Variants in ABCB1 observed in about 807,000 individuals in gnomAD.
ABCB1 encodes the protein ATP-dependent translocase ABCB1.
ABCB1 carries 69 observed loss-of-function variants against 142.0 expected under a neutral mutation model. That is an observed-to-expected ratio of 0.49 (90% CI 0.40 to 0.59). The LOEUF (loss-of-function observed/expected upper bound fraction) is 0.59. Among genes scored for constraint, ABCB1 ranks in the 20% least tolerant of loss-of-function variants. ABCB1 has a pLI of 0.00. For missense variants in ABCB1, 1,326 were observed against 1,554.7 expected (o/e 0.85, Z 2.47); for synonymous variants, 532 against 539.2 (o/e 0.99, Z 0.18).
intron 1 of ABCB1, among the ~76,000 whole-genome samples, chr7:87,617,091 C>A (rs1232587223): frequency 6.6e-6 from 1 of 152,104 alleles, no homozygotes; most frequent in African/African-American, 2.4e-5. Flanking sequence ...CCTGAGCCTG[C>A]AATCTGGGAA....
intron 1 of ABCB1, among the ~76,000 whole-genome samples, chr7:87,694,483 A>C (rs1563139716): frequency 6.6e-6 from 1 of 152,170 alleles, no homozygotes; most frequent in Non-Finnish European, 1.5e-5. Flanking sequence ...TGCTTAGAAA[A>C]GCAATATAGT....
At chr7:87,511,316 A>T (rs1209997795) in intron 25 of ABCB1, among the ~76,000 whole-genome samples, 1 of 152,220 alleles carries the variant, frequency 6.6e-6, no homozygotes, top group Non-Finnish European at 1.5e-5. Flanking sequence ...GTGCTCAAAA[A>T]ATCCTGGCCT....
At chr7:87,668,764 A>G (rs1232891848) in intron 1 of ABCB1, among the ~76,000 whole-genome samples, 1 of 151,908 alleles carries the variant, frequency 6.6e-6, no homozygotes, top group Admixed American at 6.6e-5. Flanking sequence ...ATGATGTTTA[A>G]TTTCTGTGTG....
chr7:87,531,547 C>A, intron 20 of ABCB1, 50 bp from the exon 21 acceptor site: 1 of 1,547,216 alleles, frequency 6.5e-7, no homozygotes, highest in Non-Finnish European at 8.8e-7. Context: ...ATCTTCACAA[C>A]TCATGCTTCT....
In ABCB1 at chr7:87,585,609, A is replaced by C. The variant is rs1780688538; in HGVS notation, c.189T>G (p.Ala63=). Residue 63 remains alanine, a synonymous_variant, in exon 4 of 28, where the codon GCT becomes GCG. Transcript: ENST00000622132. ...VGTLAAIIHG[A]GLPLMMLVFG... ...ACACCAGCATCATGAGAGGAAGTCC[A>C]GCCCCATGGATGATGGCAGCCAAAG... 1 of 1,613,978 alleles carries C rather than the reference A, an allele frequency of 6.2e-7. No homozygotes were observed. The highest frequency in any genetic ancestry group is 1.7e-5 in the Admixed American group (1 of 60,006).
chr7:87,651,454 C>G (rs1442407945), intron 1 of ABCB1, among the ~76,000 whole-genome samples: 1 of 152,010 alleles, frequency 6.6e-6, no homozygotes. Context: ...GGAAGCTATA[C>G]TCTCTGAATT....
chr7:87,596,735 G>A (rs1819227105), intron 2 of ABCB1, among the ~76,000 whole-genome samples: 1 of 151,998 alleles, frequency 6.6e-6, no homozygotes, highest in African/African-American at 2.4e-5. Context: ...AAGAGGTGAG[G>A]AGACTTCTAA....
intron 1 of ABCB1, among the ~76,000 whole-genome samples, chr7:87,656,309 CAAAGAAA>C (rs1324092913): frequency 6.6e-6 from 1 of 150,980 alleles, no homozygotes; most frequent in Non-Finnish European, 1.5e-5. Flanking sequence ...TAAGTTTATT[CAAAGAAA>C]AAAGAAGAAA....
chr7:87,628,701 A>T, intron 1 of ABCB1: 1 of 566,888 alleles, frequency 1.8e-6, no homozygotes, highest in Non-Finnish European at 2.6e-6. Flanking sequence ...TCCTCCCTCC[A>T]GGCTCCTTTC....
chr7:87,579,759 G>A (rs551270001), intron 4 of ABCB1, among the ~76,000 whole-genome samples: 205 of 152,026 alleles, frequency 1.3e-3, no homozygotes, highest in African/African-American at 4.3e-3. Flanking sequence ...TAGTGAAGGT[G>A]ATCTTCTCTG....
rs1323305174 is a variant in ABCB1 at position 87,549,840 on chromosome 7, G to T, written c.1554+11C>A. The T allele has an allele frequency of 6.2e-7, 1 of 1,614,002 alleles. No homozygotes were observed. Among genetic ancestry groups the T allele is most frequent in the South Asian group, 1.1e-5 (1 of 91,072 alleles). On this transcript the variant is annotated intron_variant, in intron 13 of 27. Coordinates refer to ENST00000622132, the MANE Select transcript of ABCB1 (RefSeq NM_001348946.2). ...GCACCTCTAGAAAGGCAAAGGGCAA[G>T]GACAACTTACATGAGGCAGTTTCAT...
intron 1 of ABCB1, among the ~76,000 whole-genome samples, chr7:87,657,557 G>A (rs1824232340): frequency 6.6e-6 from 1 of 152,130 alleles, no homozygotes; most frequent in Non-Finnish European, 1.5e-5. Flanking sequence ...CTCTTGGCTG[G>A]TCAAAAACTC....
At chr7:87,578,530 C>A (rs970761142) in intron 4 of ABCB1, among the ~76,000 whole-genome samples, 2 of 152,110 alleles carry the variant, frequency 1.3e-5, no homozygotes, top group African/African-American at 2.4e-5. Flanking sequence ...AATATCCATT[C>A]TTCCAATCAA....
intron 1 of ABCB1, among the ~76,000 whole-genome samples, chr7:87,638,107 T>C (rs1821994617): frequency 6.6e-6 from 1 of 152,142 alleles, no homozygotes; most frequent in African/African-American, 2.4e-5. Context: ...TCTTTTGTTG[T>C]TTTCATAGTG....
At chr7:87,626,507 GT>G (rs1820582766) in intron 1 of ABCB1, among the ~76,000 whole-genome samples, 2 of 10,212 alleles carry the variant, frequency 2.0e-4, no homozygotes, top group Non-Finnish European at 2.8e-4. Flanking sequence ...TCATATATGT[GT>G]CATATATATG....
At chr7:87,587,899 T>C (rs11763872) in intron 3 of ABCB1, among the ~76,000 whole-genome samples, 60,009 of 140,232 alleles carry the variant, frequency 0.43, 14,985 homozygotes, top group East Asian at 0.68. Context: ...AAAAAAGGCA[T>C]TTAAGCCAAA....
chr7:87,638,568 A>G (rs1411121703), intron 1 of ABCB1, among the ~76,000 whole-genome samples: 1 of 151,924 alleles, frequency 6.6e-6, no homozygotes, highest in African/African-American at 2.4e-5. Flanking sequence ...TATGAGTTTC[A>G]GTAGGTTTTT....
chr7:87,505,266 C>T (rs1181832148), intron 27 of ABCB1, among the ~76,000 whole-genome samples: 5 of 152,092 alleles, frequency 3.3e-5, no homozygotes, highest in Admixed American at 6.5e-5. Context: ...CAGTAGGTGC[C>T]GGCCAGCAGT....
Position 87,566,673 on chromosome 7 carries a change from A to G in ABCB1, c.530+112T>C, listed in dbSNP as rs1817794911. 2.7e-5 allele frequency: 30 copies of G among 1,123,982 alleles called. No homozygotes were observed. In the South Asian group the frequency reaches 3.8e-4, roughly 14 times the overall value. The allele number at this position is 1,123,982 out of a possible 1,614,324, so 69.6% of individuals were successfully genotyped here. On this transcript the variant is annotated intron_variant, in intron 6 of 27. Coordinates refer to ENST00000622132, the MANE Select transcript of ABCB1 (RefSeq NM_001348946.2). Reference sequence around the variant, plus strand: ...TGCTGCTTAGAAGGAATTTTGTCTCATAAGTACCTTTGAATGATACATTAA... The same window carrying G: ...TGCTGCTTAGAAGGAATTTTGTCTCGTAAGTACCTTTGAATGATACATTAA...
Sources: allele counts gnomAD v4.1 joint callset (sites outside exome capture counted in the v4.1 genomes callset), GRCh38; gene constraint gnomAD v4.1.1; transcripts MANE v1.5; gene names NCBI Gene and HGNC (gene_info 2026-07-23, HGNC 2026-07-21).